The following MPHOSPH6 variants were observed in gnomAD, a reference collection of about 807,000 sequenced individuals.
MPHOSPH6 encodes the protein M-phase phosphoprotein 6.
In MPHOSPH6, 25 loss-of-function variants were observed where a neutral mutation model predicts 21.8. The ratio of observed to expected loss-of-function variants is 1.15; its 90% CI spans 0.83 to 1.60. MPHOSPH6 has a LOEUF of 1.60. Ranked by LOEUF, MPHOSPH6 falls within the 40% of genes most tolerant of loss-of-function variation. MPHOSPH6 has a pLI of 0.00. For synonymous variants in MPHOSPH6, 84 were observed against 56.5 expected (o/e 1.49, Z -2.18); for missense variants, 269 against 181.8 (o/e 1.48, Z -2.76).
intron 2 of MPHOSPH6, among the ~76,000 whole-genome samples, chr16:82,151,936 T>C (rs1318710590): frequency 6.6e-6 from 1 of 152,222 alleles, no homozygotes; most frequent in Admixed American, 6.5e-5. Context: ...CTACTCCAAA[T>C]CATTTTAATA....
In MPHOSPH6 at chr16:82,149,394, G is replaced by T; in HGVS notation, c.265C>A (p.Leu89Ile). 1 of 1,611,922 alleles carries T rather than the reference G, an allele frequency of 6.2e-7. No homozygotes were observed. The highest frequency in any genetic ancestry group is 8.5e-7 in the Non-Finnish European group (1 of 1,179,984). ...GCTTTGTGCTTAGCATTCATCTGAA[G>T]CATCAATTTCTGAAAAATACACCAG... is the stretch of plus-strand genomic sequence containing the variant. ...GFNPEVEKLM[L>I]QMNAKHKAEE... The change falls in exon 4 of 5, where the codon CTT becomes ATT. Residue 89 changes from leucine to isoleucine, a missense_variant. Leu to Ile is a conservative substitution (Grantham distance 5, BLOSUM62 2). Transcript: ENST00000258169.
chr16:82,169,151 C>T (rs1318300972), intron 1 of MPHOSPH6, among the ~76,000 whole-genome samples: 1 of 152,194 alleles, frequency 6.6e-6, no homozygotes, highest in Non-Finnish European at 1.5e-5. Flanking sequence ...TTCCCCGTTT[C>T]AATAGCTTTC....
chr16:82,170,218 C>G lies in MPHOSPH6; in HGVS notation c.-43G>C. On this transcript the variant is annotated 5_prime_UTR_variant, in exon 1 of 5. Transcript: ENST00000258169. ...GCCGCACTCCGGCCGCGAGCCTCAC[C>G]GCACATGCGCGGAGCCGCGTGCGCA... 1.9e-6 allele frequency: 3 copies of G among 1,555,374 alleles called. No homozygotes were observed. The highest frequency in any genetic ancestry group is 1.7e-6 in the Non-Finnish European group (2 of 1,152,874).
intron 4 of MPHOSPH6, 144 bp from the exon 5 acceptor site, chr16:82,149,007 T>A (rs1344781351): frequency 1.6e-5 from 18 of 1,109,386 alleles, no homozygotes. Flanking sequence ...GATTTAACAA[T>A]TTATGAACTT....
chr16:82,166,476 G>C (rs534601840), intron 1 of MPHOSPH6, among the ~76,000 whole-genome samples: 2 of 152,280 alleles, frequency 1.3e-5, no homozygotes, highest in African/African-American at 4.8e-5. Context: ...CTCTTCCTAG[G>C]TCTGCTCCTA....
intron 2 of MPHOSPH6, among the ~76,000 whole-genome samples, chr16:82,157,889 A>G (rs1055491163): frequency 6.6e-6 from 1 of 152,206 alleles, no homozygotes; most frequent in African/African-American, 2.4e-5. Context: ...GACAATGCAG[A>G]GTAGTAGCAG....
chr16:82,152,553 C>T (rs1263481615), intron 2 of MPHOSPH6, among the ~76,000 whole-genome samples: 1 of 152,104 alleles, frequency 6.6e-6, no homozygotes. Flanking sequence ...TCAGAATCAC[C>T]GGGAAGGCTG....
intron 2 of MPHOSPH6, among the ~76,000 whole-genome samples, chr16:82,159,168 A>G (rs1906527632): frequency 6.6e-6 from 1 of 152,210 alleles, no homozygotes; most frequent in South Asian, 2.1e-4. Flanking sequence ...AACATGCTTT[A>G]ACAGGCTGAC....
chr16:82,157,351 G>A (rs1028043540), intron 2 of MPHOSPH6, among the ~76,000 whole-genome samples: 1 of 152,178 alleles, frequency 6.6e-6, no homozygotes, highest in Non-Finnish European at 1.5e-5. Flanking sequence ...TCCAAAACAA[G>A]GATGAATATC....
Position 82,165,120 on chromosome 16 carries a change from TATTTTTTTTTTTA to T in MPHOSPH6, c.52-939_52-927del, listed in dbSNP as rs1291116861. ...TTATTCAGGTCCGATATTTCTTTTT[TATTTTTTTTTTTA>T]TTTTTTTTTTTTGAGACAGAGTCTC... On this transcript the variant is annotated intron_variant, in intron 1 of 4. Transcript: ENST00000258169. Among the ~76,000 whole-genome samples, 159 of 88,472 alleles carry T rather than the reference TATTTTTTTTTTTA, an allele frequency of 1.8e-3. 17 individuals carry two copies. Among genetic ancestry groups the T allele is most frequent in the Admixed American group, 2.8e-3 (21 of 7,546 alleles). 58.0% of individuals were successfully genotyped at this position (88,472 alleles called of 152,430 possible). A position where few individuals can be genotyped will look rare whatever the true frequency, so the allele number is the denominator to read the frequency against.
intron 3 of MPHOSPH6, among the ~76,000 whole-genome samples, chr16:82,150,644 G>A (rs1050213642): frequency 3.9e-5 from 6 of 152,208 alleles, no homozygotes. Context: ...GGAGGGTGGG[G>A]TGTGTGTGTG....
At chr16:82,148,924 G>C (rs1245206246) in intron 4 of MPHOSPH6, 61 bp from the exon 5 acceptor site, 2 of 1,576,758 alleles carry the variant, frequency 1.3e-6, no homozygotes, top group Admixed American at 1.9e-5. Flanking sequence ...ATCAAGCCTT[G>C]TCAAGAATAT....
At chr16:82,164,651 C>G (rs1186614198) in intron 1 of MPHOSPH6, 1 of 154,828 alleles carries the variant, frequency 6.5e-6, no homozygotes, top group Non-Finnish European at 1.4e-5. Context: ...AATAGACTCA[C>G]CACATCTGAA....
chr16:82,152,742 A>T (rs1906305623), intron 2 of MPHOSPH6, among the ~76,000 whole-genome samples: 1 of 152,204 alleles, frequency 6.6e-6, no homozygotes. Flanking sequence ...TTCTGTCTGC[A>T]GCAGAATTTC....
intron 2 of MPHOSPH6, among the ~76,000 whole-genome samples, chr16:82,159,939 G>A (rs1162107493): frequency 6.6e-6 from 1 of 152,104 alleles, no homozygotes; most frequent in African/African-American, 2.4e-5. Flanking sequence ...CTTATAGAGG[G>A]AGCAGCTGAT....
chr16:82,164,067 T>C lies in MPHOSPH6; in HGVS notation c.164+15A>G. ...ATGCCACAAGCATCATCAGTATCAA[T>C]TTTAATAAACCTACTCTTTCTCTTT... On this transcript the variant is annotated intron_variant, in intron 2 of 4. Transcript: ENST00000258169. 1 of 1,569,650 alleles carries C rather than the reference T, an allele frequency of 6.4e-7. No homozygotes were observed. Among genetic ancestry groups the C allele is most frequent in the Non-Finnish European group, 8.7e-7 (1 of 1,143,724 alleles).
intron 1 of MPHOSPH6, among the ~76,000 whole-genome samples, chr16:82,168,660 TGGGG>T (rs1906871472): frequency 6.6e-6 from 1 of 152,106 alleles, no homozygotes; most frequent in Non-Finnish European, 1.5e-5. Flanking sequence ...TTTGTAGAGA[TGGGG>T]TTTCACCATG....
intron 2 of MPHOSPH6, among the ~76,000 whole-genome samples, chr16:82,153,899 AC>A (rs1906347187): frequency 1.3e-5 from 2 of 152,330 alleles, no homozygotes; most frequent in South Asian, 4.1e-4. Context: ...TTCCACGGTT[AC>A]AAGGCCTTCT....
At chr16:82,165,941 C>G (rs989915105) in intron 1 of MPHOSPH6, among the ~76,000 whole-genome samples, 1 of 152,200 alleles carries the variant, frequency 6.6e-6, no homozygotes, top group Non-Finnish European at 1.5e-5. Flanking sequence ...AAACTGATCA[C>G]TCAAACATAG....
Sources: allele counts gnomAD v4.1 joint callset (sites outside exome capture counted in the v4.1 genomes callset), GRCh38; gene constraint gnomAD v4.1.1; transcripts MANE v1.5; gene names NCBI Gene and HGNC (gene_info 2026-07-23, HGNC 2026-07-21).